Variants in DNM1L observed in about 807,000 individuals in gnomAD.
The protein encoded by DNM1L is dynamin-1-like protein.
In DNM1L, 33 loss-of-function variants were observed where a neutral mutation model predicts 92.8. That is an observed-to-expected ratio of 0.36 (90% CI 0.27 to 0.48). DNM1L has a LOEUF of 0.48. Ranked by LOEUF, DNM1L falls within the 20% of genes least tolerant of loss-of-function variation. The pLI, the probability that DNM1L is intolerant of heterozygous loss-of-function variation, is 0.99. For missense variants in DNM1L, 485 were observed against 888.8 expected (o/e 0.55, Z 5.78); for synonymous variants, 284 against 305.0 (o/e 0.93, Z 0.72).
chr12:32,729,247 A>C (rs1317458826), intron 9 of DNM1L, among the ~76,000 whole-genome samples: 1 of 151,292 alleles, frequency 6.6e-6, no homozygotes, highest in African/African-American at 2.4e-5. Flanking sequence ...ATGCCCGGCT[A>C]ATTTTTTGTA....
chr12:32,688,367 T>G (rs1046480073), intron 1 of DNM1L, among the ~76,000 whole-genome samples: 18 of 152,222 alleles, frequency 1.2e-4, no homozygotes, highest in African/African-American at 4.1e-4. Flanking sequence ...TGGGGAGGTT[T>G]TTTCTTTTAG....
Position 32,731,625 on chromosome 12 carries a change from C to A in DNM1L, c.1356+114C>A. On this transcript the variant is annotated intron_variant, in intron 11 of 19. Coordinates refer to ENST00000549701, the MANE Select transcript of DNM1L (RefSeq NM_012062.5). This position sits in a 1 kb window ranked among gnomAD's most constrained non-coding sequence, Gnocchi z 5.1. ...GGGATACAAGGTAAAATCTGTAGTTCCCTTACCTGAAAGTGATTTGAAATA... is the reference window on the plus strand; with the variant it reads ...GGGATACAAGGTAAAATCTGTAGTTACCTTACCTGAAAGTGATTTGAAATA... The A allele has an allele frequency of 7.5e-7, 1 of 1,339,396 alleles. No individual in the cohort carries two copies. Among genetic ancestry groups the A allele is most frequent in the Non-Finnish European group, 1.0e-6 (1 of 958,822 alleles). 83.0% of individuals were successfully genotyped at this position (1,339,396 alleles called of 1,614,324 possible).
At chr12:32,707,533 C>G in intron 3 of DNM1L, 120 bp downstream of exon 3, 1 of 665,890 alleles carries the variant, frequency 1.5e-6, no homozygotes, top group Non-Finnish European at 2.4e-6. Flanking sequence ...ATAACTATTC[C>G]TTATAAAATA....
At chr12:32,727,413 C>T in intron 9 of DNM1L, 1 of 747,426 alleles carries the variant, frequency 1.3e-6, no homozygotes, top group Non-Finnish European at 2.5e-6. Context: ...CTATGAGAAG[C>T]CAGGCGGCTG....
chr12:32,712,999 T>G (rs1364418879), intron 5 of DNM1L, among the ~76,000 whole-genome samples: 1 of 152,200 alleles, frequency 6.6e-6, no homozygotes, highest in Non-Finnish European at 1.5e-5. Flanking sequence ...GGGACTGTAT[T>G]AAATCAACTT....
At chr12:32,689,320 C>G (rs1430356172) in intron 1 of DNM1L, among the ~76,000 whole-genome samples, 1 of 152,098 alleles carries the variant, frequency 6.6e-6, no homozygotes, top group Non-Finnish European at 1.5e-5. Context: ...GTCTCAGCTT[C>G]CCGAGTAGCT....
At chr12:32,714,625 A>T (rs113568704) in intron 6 of DNM1L, among the ~76,000 whole-genome samples, 4,026 of 152,178 alleles carry the variant, frequency 0.026, 60 homozygotes, top group East Asian at 0.07. Flanking sequence ...ACTTGAGTAA[A>T]TAATGTTCAT....
At chr12:32,711,141 T>C in intron 5 of DNM1L, 126 bp downstream of exon 5, 1 of 814,494 alleles carries the variant, frequency 1.2e-6, no homozygotes, top group Non-Finnish European at 2.1e-6. Flanking sequence ...CGTTGAGCCC[T>C]CCTTTCTCCT....
chr12:32,696,849 T>TC (rs1952489162), intron 1 of DNM1L, among the ~76,000 whole-genome samples: 1 of 146,444 alleles, frequency 6.8e-6, no homozygotes, highest in Non-Finnish European at 1.5e-5. Flanking sequence ...GGTCTCAAAC[T>TC]CCCGACCTCA....
chr12:32,725,256 A>G (rs1954058344), intron 9 of DNM1L: 1 of 152,202 alleles, frequency 6.6e-6, no homozygotes, highest in South Asian at 2.1e-4. Flanking sequence ...ATTGTATTTG[A>G]AATTTTTATT....
chr12:32,730,165 A>G (rs1228234044), intron 9 of DNM1L, among the ~76,000 whole-genome samples: 1 of 152,082 alleles, frequency 6.6e-6, no homozygotes, highest in African/African-American at 2.4e-5. Flanking sequence ...AGAGATCAAG[A>G]CCATCCTGGC....
In DNM1L at chr12:32,731,177, T is replaced by TA; in HGVS notation, c.1200+46dup. The TA allele has an allele frequency of 6.2e-7, 1 of 1,613,114 alleles. No individual in the cohort carries two copies. The highest frequency in any genetic ancestry group is 8.5e-7 in the Non-Finnish European group (1 of 1,179,456). On this transcript the variant is annotated intron_variant, in intron 10 of 19. Transcript: ENST00000549701. The surrounding 1 kb of genome is among the most constrained non-coding windows in gnomAD (Gnocchi z 5.1). ...TTTAGACTGTAAAAAAAAATGAGGTTAAAGTTTTTCTTACCCATATACTGT... is the reference window on the plus strand; with the variant it reads ...TTTAGACTGTAAAAAAAAATGAGGTTAAAAGTTTTTCTTACCCATATACTGT...
chr12:32,679,934 A>G (rs1951744695), intron 1 of DNM1L: 6 of 985,850 alleles, frequency 6.1e-6, no homozygotes, highest in African/African-American at 5.2e-5. Context: ...TGCCTTGCCC[A>G]GGGACTGCGG....
At chr12:32,708,878 T>C (rs1953023400) in intron 4 of DNM1L, among the ~76,000 whole-genome samples, 1 of 152,136 alleles carries the variant, frequency 6.6e-6, no homozygotes, top group Admixed American at 6.5e-5. Flanking sequence ...TCTTTATATT[T>C]CAAGAGATAT....
chr12:32,694,360 A>G (rs1032564026), intron 1 of DNM1L, among the ~76,000 whole-genome samples: 2 of 152,244 alleles, frequency 1.3e-5, no homozygotes, highest in Non-Finnish European at 2.9e-5. Context: ...CTGGGATTAC[A>G]GGCGTGAGCC....
chr12:32,743,577 C>G lies in DNM1L; in HGVS notation c.*167C>G, dbSNP rs1955465205. ...GTATTCCAAATTGCAGAACACATCA[C>G]ACATTTAATCCAAATAATAAATGGC... On this transcript the variant is annotated 3_prime_UTR_variant, in exon 20 of 20. Coordinates refer to ENST00000549701, the MANE Select transcript of DNM1L (RefSeq NM_012062.5). 3.2e-6 allele frequency: 2 copies of G among 629,100 alleles called. No homozygotes were observed. Among genetic ancestry groups the G allele is most frequent in the Non-Finnish European group, 5.6e-6 (2 of 358,546 alleles). The allele number at this position is 629,100 out of a possible 1,614,324, so 39.0% of individuals were successfully genotyped here. A position where few individuals can be genotyped will look rare whatever the true frequency, so the allele number is the denominator to read the frequency against.
chr12:32,717,229 T>G (rs191154505), intron 6 of DNM1L, among the ~76,000 whole-genome samples: 1 of 106,544 alleles, frequency 9.4e-6, no homozygotes, highest in East Asian at 2.3e-4. Context: ...ATAGTATATA[T>G]TATATATATT....
At chr12:32,707,063 GA>G (rs1369364711) in intron 2 of DNM1L, 1 of 274,934 alleles carries the variant, frequency 3.6e-6, no homozygotes, top group African/African-American at 2.2e-5. Flanking sequence ...AAAAAAATAT[GA>G]AGAGAAATAA....
chr12:32,735,855 C>T (rs1009534908), intron 13 of DNM1L, among the ~76,000 whole-genome samples: 5 of 151,856 alleles, frequency 3.3e-5, no homozygotes, highest in African/African-American at 7.2e-5. Flanking sequence ...CCAGCCTGGG[C>T]GACAGAGCGA....
Sources: gnomAD v4.1 joint callset for allele counts (sites outside exome capture counted in the v4.1 genomes callset) on GRCh38, gnomAD v4.1.1 for gene constraint, Gnocchi (gnomAD v3.1) non-coding constraint, MANE v1.5 for transcripts, NCBI Gene and HGNC (gene_info 2026-07-23, HGNC 2026-07-21) for gene names.